The following CCDC170 variants were observed in gnomAD, a reference collection of about 807,000 sequenced individuals.
The protein encoded by CCDC170 is coiled-coil domain-containing protein 170.
A neutral mutation model predicts 72.6 loss-of-function variants in CCDC170; 69 were observed. That is an observed-to-expected ratio of 0.95 (90% CI 0.78 to 1.16). The LOEUF (loss-of-function observed/expected upper bound fraction) is 1.16, where lower values mean the gene tolerates loss of function less well. CCDC170 is among the 50% of genes most tolerant of loss of function. The pLI is 0.00. For missense variants in CCDC170, 852 were observed against 832.5 expected (o/e 1.02, Z -0.29); for synonymous variants, 300 against 303.9 (o/e 0.99, Z 0.13).
intron 1 of CCDC170, among the ~76,000 whole-genome samples, chr6:151,520,731 A>C (rs772483638): frequency 3.4e-4 from 52 of 152,298 alleles, no homozygotes; most frequent in Non-Finnish European, 5.7e-4. Context: ...ACCCAGATTG[A>C]TAAACTGGCC....
intron 1 of CCDC170, among the ~76,000 whole-genome samples, chr6:151,515,805 T>C (rs1463634429): frequency 6.6e-6 from 1 of 152,178 alleles, no homozygotes; most frequent in African/African-American, 2.4e-5. Context: ...CAGTGGCTCA[T>C]GCCTATAATC....
At chr6:151,543,930 G>A (rs1165104045) in intron 3 of CCDC170, among the ~76,000 whole-genome samples, 1 of 152,068 alleles carries the variant, frequency 6.6e-6, no homozygotes, top group African/African-American at 2.4e-5. Flanking sequence ...AGTAAACATG[G>A]GGGTTCAGAC....
At chr6:151,549,152 G>A (rs1053154126) in intron 5 of CCDC170, among the ~76,000 whole-genome samples, 12 of 151,854 alleles carry the variant, frequency 7.9e-5, no homozygotes, top group African/African-American at 2.4e-4. Context: ...TGATCTGCCC[G>A]CCTCAGCCTC....
At chr6:151,519,487 C>T (rs986462361) in intron 1 of CCDC170, among the ~76,000 whole-genome samples, 2 of 152,112 alleles carry the variant, frequency 1.3e-5, no homozygotes, top group African/African-American at 4.8e-5. Flanking sequence ...TCAATTTGTA[C>T]AGATAACACA....
chr6:151,618,291 G>A lies in CCDC170; in HGVS notation c.*144G>A, dbSNP rs571857784. 1,358 of 681,190 alleles carry A rather than the reference G, an allele frequency of 2.0e-3. 13 individuals are homozygous for A. The Middle Eastern group carries it at 0.022, about 11-fold the overall frequency. 42.2% of individuals were successfully genotyped at this position (681,190 alleles called of 1,614,324 possible). A position where few individuals can be genotyped will look rare whatever the true frequency, so the allele number is the denominator to read the frequency against. On this transcript the variant is annotated 3_prime_UTR_variant, in exon 11 of 11. Coordinates refer to ENST00000239374, the MANE Select transcript of CCDC170 (RefSeq NM_025059.4). ...GTGAGAATGCATCACTTGCAAAAAC[G>A]ATCTCAAAAGTGTCAGCCTTAGATA...
chr6:151,509,709 T>C (rs969766851), intron 1 of CCDC170, among the ~76,000 whole-genome samples: 2 of 152,228 alleles, frequency 1.3e-5, no homozygotes, highest in African/African-American at 4.8e-5. Flanking sequence ...ACATTACTTA[T>C]GGAAATGCAA....
chr6:151,511,525 T>C (rs913055816), intron 1 of CCDC170, among the ~76,000 whole-genome samples: 1 of 152,228 alleles, frequency 6.6e-6, no homozygotes, highest in African/African-American at 2.4e-5. Context: ...TGCTAGGAAA[T>C]GTGCTTGGTG....
intron 1 of CCDC170, among the ~76,000 whole-genome samples, chr6:151,505,364 G>A (rs1339256564): frequency 2.6e-5 from 4 of 152,198 alleles, no homozygotes; most frequent in South Asian, 4.2e-4. Context: ...GGTCCCATAC[G>A]GATTGTTCTC....
chr6:151,557,340 C>T (rs1042037605), intron 5 of CCDC170, among the ~76,000 whole-genome samples: 14 of 149,688 alleles, frequency 9.4e-5, no homozygotes, highest in African/African-American at 2.5e-4. Flanking sequence ...ACCCAGGAGG[C>T]GGAGGTTGCA....
intron 5 of CCDC170, among the ~76,000 whole-genome samples, chr6:151,568,611 G>C (rs760965984): frequency 6.6e-6 from 1 of 152,178 alleles, no homozygotes; most frequent in Non-Finnish European, 1.5e-5. Flanking sequence ...ATTGGCAGTT[G>C]CTTGTGCATG....
At chr6:151,559,191 T>C (rs1783037259) in intron 5 of CCDC170, among the ~76,000 whole-genome samples, 1 of 152,006 alleles carries the variant, frequency 6.6e-6, no homozygotes, top group Non-Finnish European at 1.5e-5. Context: ...TTTGTATTTT[T>C]AGTAGAGATA....
At chr6:151,531,678 C>T (rs116086313) in intron 1 of CCDC170, among the ~76,000 whole-genome samples, 3,446 of 152,212 alleles carry the variant, frequency 0.023, 118 homozygotes, top group African/African-American at 0.073. Flanking sequence ...AAAACATACC[C>T]GAGACTGGGT....
intron 9 of CCDC170, among the ~76,000 whole-genome samples, chr6:151,605,087 T>C (rs1776764230): frequency 6.6e-6 from 1 of 152,174 alleles, no homozygotes; most frequent in African/African-American, 2.4e-5. Context: ...ACAATTCTAC[T>C]CTCTGCATCT....
At chr6:151,598,569 C>A (rs1776658445) in intron 9 of CCDC170, among the ~76,000 whole-genome samples, 1 of 152,020 alleles carries the variant, frequency 6.6e-6, no homozygotes, top group Non-Finnish European at 1.5e-5. Flanking sequence ...TGGTGAGAGA[C>A]CGTCACAAAT....
chr6:151,589,574 A>G (rs1273400662), intron 7 of CCDC170, among the ~76,000 whole-genome samples: 1 of 151,896 alleles, frequency 6.6e-6, no homozygotes, highest in Non-Finnish European at 1.5e-5. Context: ...CCCCATCTCT[A>G]TATCCAGCAG....
chr6:151,549,464 A>T (rs1736260068), intron 5 of CCDC170, among the ~76,000 whole-genome samples: 1 of 152,242 alleles, frequency 6.6e-6, no homozygotes, highest in South Asian at 2.1e-4. Flanking sequence ...TTGAACAAAT[A>T]GGTAATATAT....
chr6:151,556,552 T>C (rs562015591), intron 5 of CCDC170, among the ~76,000 whole-genome samples: 33 of 152,370 alleles, frequency 2.2e-4, no homozygotes, highest in African/African-American at 7.7e-4. Flanking sequence ...GCAAAGACTT[T>C]CTGCTATGAA....
At chr6:151,529,862 G>C (rs1290755861) in intron 1 of CCDC170, among the ~76,000 whole-genome samples, 1 of 152,086 alleles carries the variant, frequency 6.6e-6, no homozygotes, top group African/African-American at 2.4e-5. Context: ...TAGAGACTGG[G>C]AAGTCCAAAA....
chr6:151,584,362 G>A (rs1262830314), intron 6 of CCDC170, among the ~76,000 whole-genome samples: 2 of 151,862 alleles, frequency 1.3e-5, no homozygotes, highest in Non-Finnish European at 2.9e-5. Context: ...ACAGGGAAGA[G>A]TTTTTCCTTT....
Sources: allele counts gnomAD v4.1 joint callset (sites outside exome capture counted in the v4.1 genomes callset), GRCh38; gene constraint gnomAD v4.1.1; transcripts MANE v1.5; gene names NCBI Gene and HGNC (gene_info 2026-07-23, HGNC 2026-07-21).